Variants in CCDC7 observed in about 807,000 individuals in gnomAD.
The protein encoded by CCDC7 is coiled-coil domain containing 7.
CCDC7 carries 183 observed loss-of-function variants against 196.9 expected under a neutral mutation model. The observed-to-expected ratio is 0.93, with a 90% CI of 0.82 to 1.05. The LOEUF (loss-of-function observed/expected upper bound fraction) is 1.05, where lower values mean the gene tolerates loss of function less well. CCDC7 is among the 50% of genes least tolerant of loss of function. The pLI, the probability that CCDC7 is intolerant of heterozygous loss-of-function variation, is 0.00. For synonymous variants in CCDC7, 525 were observed against 484.6 expected (o/e 1.08, Z -1.10); for missense variants, 1,540 against 1,482.2 (o/e 1.04, Z -0.64).
intron 28 of CCDC7, among the ~76,000 whole-genome samples, chr10:32,742,598 G>A (rs2086054506): frequency 6.6e-6 from 1 of 152,150 alleles, no homozygotes. Flanking sequence ...ACAGTATGTA[G>A]CAGTCTTTGT....
At chr10:32,576,796 G>A (rs370309375) in intron 16 of CCDC7, among the ~76,000 whole-genome samples, 8 of 151,874 alleles carry the variant, frequency 5.3e-5, no homozygotes, top group South Asian at 2.1e-4. Context: ...GGGACTTTTC[G>A]CACCTCAGCT....
At chr10:32,810,425 A>G (rs1421131499) in intron 30 of CCDC7, among the ~76,000 whole-genome samples, 1 of 152,136 alleles carries the variant, frequency 6.6e-6, no homozygotes. Flanking sequence ...AGATAAGGAT[A>G]ATTATTATAT....
At chr10:32,680,129 T>A (rs1163356865) in intron 21 of CCDC7, among the ~76,000 whole-genome samples, 1 of 152,226 alleles carries the variant, frequency 6.6e-6, no homozygotes, top group Non-Finnish European at 1.5e-5. Flanking sequence ...AGACTTTCTC[T>A]ATATTAACTT....
intron 28 of CCDC7, among the ~76,000 whole-genome samples, chr10:32,742,014 G>T (rs2085939490): frequency 6.6e-6 from 1 of 152,014 alleles, no homozygotes; most frequent in Non-Finnish European, 1.5e-5. Flanking sequence ...CTTTATGTTG[G>T]TATTTATGTG....
intron 18 of CCDC7, among the ~76,000 whole-genome samples, chr10:32,592,065 C>G (rs540505626): frequency 5.3e-5 from 8 of 152,124 alleles, no homozygotes; most frequent in Non-Finnish European, 1.2e-4. Context: ...TTCAGATTTT[C>G]TATTCATGAT....
chr10:32,449,865 C>T (rs945684803), upstream of CCDC7, among the ~76,000 whole-genome samples: 3 of 152,180 alleles, frequency 2.0e-5, no homozygotes, highest in Admixed American at 1.3e-4. Flanking sequence ...TTGCTCCTTC[C>T]ATCATGTGAG....
At chr10:32,749,240 A>G (rs2075295116) in intron 28 of CCDC7, among the ~76,000 whole-genome samples, 1 of 152,110 alleles carries the variant, frequency 6.6e-6, no homozygotes, top group Non-Finnish European at 1.5e-5. Context: ...GTTAGGATGG[A>G]GTGACAGTTT....
intron 24 of CCDC7, among the ~76,000 whole-genome samples, chr10:32,709,606 T>C (rs1398583512): frequency 6.6e-6 from 1 of 152,148 alleles, no homozygotes; most frequent in Non-Finnish European, 1.5e-5. Flanking sequence ...GCTCAGGCAG[T>C]AATGTGAATG....
At chr10:32,459,194 TC>T (rs2035046345) in intron 3 of CCDC7, among the ~76,000 whole-genome samples, 1 of 152,204 alleles carries the variant, frequency 6.6e-6, no homozygotes, top group South Asian at 2.1e-4. Context: ...GGTGGAGTCT[TC>T]TATGTATATG....
intron 28 of CCDC7, among the ~76,000 whole-genome samples, chr10:32,771,507 T>C (rs2079152121): frequency 1.3e-5 from 2 of 152,238 alleles, no homozygotes; most frequent in African/African-American, 2.4e-5. Flanking sequence ...GTTAGTCTGA[T>C]AGTTTTTTTC....
intron 13 of CCDC7, among the ~76,000 whole-genome samples, chr10:32,561,083 T>C (rs929528257): frequency 2.6e-5 from 4 of 151,876 alleles, no homozygotes; most frequent in African/African-American, 9.7e-5. Context: ...CATTACGTAA[T>C]GGTAAAGGGA....
rs2046091520 is a variant in CCDC7 at position 32,511,260 on chromosome 10, G to C, written c.873-6685G>C. ...CTGCCACAGAATTATTCTGTGGGGG[G>C]CGGGGGGGGCGGGGAAATGTACTTT... On this transcript the variant is annotated intron_variant, in intron 9 of 41. Transcript: ENST00000639629. The C allele has an allele frequency of 6.4e-6, 4 of 625,900 alleles. No homozygotes were observed. In the South Asian group the frequency reaches 6.4e-5, roughly 10 times the overall value. 38.8% of individuals were successfully genotyped at this position (625,900 alleles called of 1,614,324 possible). A position where few individuals can be genotyped will look rare whatever the true frequency, so the allele number is the denominator to read the frequency against.
chr10:32,556,237 T>A (rs936144430), intron 13 of CCDC7, among the ~76,000 whole-genome samples: 12 of 152,230 alleles, frequency 7.9e-5, no homozygotes, highest in African/African-American at 2.9e-4. Flanking sequence ...TTATTTTAAT[T>A]TTCTATCATC....
At chr10:32,740,989 T>G (rs1346893658) in intron 28 of CCDC7, among the ~76,000 whole-genome samples, 1 of 152,054 alleles carries the variant, frequency 6.6e-6, no homozygotes, top group Non-Finnish European at 1.5e-5. Context: ...AATAAGAATG[T>G]GTCTACCTGC....
chr10:32,564,075 G>T (rs968142636), intron 13 of CCDC7, among the ~76,000 whole-genome samples: 4 of 152,094 alleles, frequency 2.6e-5, no homozygotes, highest in African/African-American at 9.7e-5. Context: ...GGCCATCAGA[G>T]AAATGCAAAT....
exon 22 of CCDC7, chr10:32,686,047 A>G (rs1387525189): frequency 3.9e-6 from 6 of 1,557,796 alleles, no homozygotes; most frequent in Non-Finnish European, 5.2e-6. Flanking sequence ...ACAAATAAAG[A>G]AACAAGAAAC....
chr10:32,681,911 G>A (rs1254367913), intron 21 of CCDC7, among the ~76,000 whole-genome samples: 2 of 151,726 alleles, frequency 1.3e-5, no homozygotes, highest in Non-Finnish European at 2.9e-5. Flanking sequence ...TTTCTCAGAG[G>A]TTGTTCTTGT....
intron 20 of CCDC7, among the ~76,000 whole-genome samples, chr10:32,659,180 ACCT>A (rs2070680723): frequency 6.8e-6 from 1 of 147,010 alleles, no homozygotes; most frequent in Non-Finnish European, 1.5e-5. Flanking sequence ...ATTGCTATAA[ACCT>A]CCTGTTAGGA....
chr10:32,608,555 T>G (rs775541636), intron 18 of CCDC7, among the ~76,000 whole-genome samples: 14 of 152,146 alleles, frequency 9.2e-5, no homozygotes, highest in Admixed American at 2.0e-4. Flanking sequence ...TTTTTTTATG[T>G]TTTTGAGACA....
Sources: gnomAD v4.1 joint callset for allele counts (sites outside exome capture counted in the v4.1 genomes callset) on GRCh38, gnomAD v4.1.1 for gene constraint, MANE v1.5 for transcripts, NCBI Gene and HGNC (gene_info 2026-07-23, HGNC 2026-07-21) for gene names.